The following NTAQ1 variants were observed in gnomAD, a reference collection of about 807,000 sequenced individuals.
NTAQ1 encodes N-terminal glutamine amidase 1.
A neutral mutation model predicts 28.2 loss-of-function variants in NTAQ1; 21 were observed. That is an observed-to-expected ratio of 0.74 (90% CI 0.53 to 1.07). The LOEUF (loss-of-function observed/expected upper bound fraction) is 1.07, where lower values mean the gene tolerates loss of function less well. Ranked by LOEUF, NTAQ1 falls within the 50% of genes least tolerant of loss-of-function variation. The pLI is 0.00. For missense variants in NTAQ1, 264 were observed against 256.6 expected, an observed-to-expected ratio of 1.03 and a Z score of -0.20; for synonymous variants, 105 against 90.0, an observed-to-expected ratio of 1.17 and a Z score of -0.94.
intron 6 of NTAQ1, among the ~76,000 whole-genome samples, chr8:123,460,244 A>G (rs989016600): frequency 1.3e-5 from 2 of 152,240 alleles, no homozygotes; most frequent in East Asian, 1.9e-4. Context: ...AAAACTACTT[A>G]TTGGGCATGA....
chr8:123,425,254 G>C (rs1299592164), intron 1 of NTAQ1, among the ~76,000 whole-genome samples: 1 of 151,968 alleles, frequency 6.6e-6, no homozygotes, highest in Non-Finnish European at 1.5e-5. Context: ...ACCACGCCCA[G>C]CTAATTTTTG....
At chr8:123,455,445 G>A (rs1364214766) in intron 6 of NTAQ1, among the ~76,000 whole-genome samples, 1 of 46,958 alleles carries the variant, frequency 2.1e-5, no homozygotes, top group South Asian at 6.6e-4. Flanking sequence ...TTTTTTTTTT[G>A]AGACGGAGTC....
At chr8:123,443,875 C>T (rs187988633), downstream of NTAQ1, among the ~76,000 whole-genome samples, 330 of 152,222 alleles carry the variant, frequency 2.2e-3, no homozygotes, top group South Asian at 0.012. Context: ...GCCTGGCCTG[C>T]GGTTCCTGGT....
chr8:123,457,926 C>T (rs1054570216), intron 6 of NTAQ1, among the ~76,000 whole-genome samples: 6 of 150,382 alleles, frequency 4.0e-5, no homozygotes, highest in South Asian at 4.2e-4. Flanking sequence ...CACAGCTACT[C>T]GGGAGGCTGA....
intron 1 of NTAQ1, among the ~76,000 whole-genome samples, chr8:123,425,467 C>G (rs1446842114): frequency 1.3e-5 from 2 of 151,612 alleles, no homozygotes; most frequent in African/African-American, 4.8e-5. Context: ...TTCCCACCCC[C>G]CCACTTTTTT....
chr8:123,441,295 TA>T lies in NTAQ1; in HGVS notation c.509-10del, dbSNP rs759918062. The T allele has an allele frequency of 4.3e-4, 686 of 1,587,932 alleles. No homozygotes were observed. The highest frequency in any genetic ancestry group is 7.0e-4 in the Admixed American group (40 of 57,422). On this transcript the variant is annotated splice_polypyrimidine_tract_variant and intron_variant, in intron 5 of 5. Transcript: ENST00000287387. ...TTTCAGTGGACATTTTTTTTTCATA[TA>T]TTTTTTTAGATTCCAAAATGAACCT... is the stretch of plus-strand genomic sequence containing the variant.
Position 123,428,025 on chromosome 8 carries a change from T to G in NTAQ1, c.183+2T>G. On this transcript the variant is annotated splice_donor_variant, in intron 2 of 5. Coordinates refer to ENST00000287387, the MANE Select transcript of NTAQ1 (RefSeq NM_018024.3). LOFTEE classifies it high-confidence loss of function. ...TTCATATCTAATGAGAGGAAGATGG[T>G]AAGTTGGTGAGTGATTGCAGAAAGA... is the stretch of plus-strand genomic sequence containing the variant. 6.3e-7 allele frequency: 1 copy of G among 1,590,498 alleles called. No homozygotes were observed. Among genetic ancestry groups the G allele is most frequent in the Non-Finnish European group, 8.6e-7 (1 of 1,168,528 alleles).
chr8:123,455,450 G>A (rs559501523), intron 6 of NTAQ1, among the ~76,000 whole-genome samples: 3 of 138,704 alleles, frequency 2.2e-5, no homozygotes, highest in South Asian at 2.3e-4. Flanking sequence ...TTTTTGAGAC[G>A]GAGTCTCCCA....
chr8:123,421,094 AT>A (rs55955025), intron 1 of NTAQ1, among the ~76,000 whole-genome samples: 139,230 of 149,112 alleles, frequency 0.93, 64,994 homozygotes, highest in East Asian at 0.98. Context: ...CTATTTATTC[AT>A]TTTTTTGAGA....
chr8:123,436,705 T>G (rs1194017673), intron 4 of NTAQ1, 104 bp downstream of exon 4: 10 of 1,281,620 alleles, frequency 7.8e-6, no homozygotes, highest in Non-Finnish European at 1.1e-5. Context: ...AGATCTCGTC[T>G]GACATCACCA....
chr8:123,452,652 A>G (rs898019870), downstream of NTAQ1, among the ~76,000 whole-genome samples: 1 of 152,104 alleles, frequency 6.6e-6, no homozygotes, highest in Admixed American at 6.6e-5. Flanking sequence ...CTGTAATCCC[A>G]ACACTTTGGG....
rs114292023 is a variant in NTAQ1, at chr8:123,468,445, G to A, written c.*1295G>A. ...TCAGTTTAACTACTTTAGATACCTC[G>A]TATACGTGGAATCATAAAGCATTTA... On this transcript the variant is annotated 3_prime_UTR_variant, in exon 7 of 7. Coordinates refer to the NTAQ1 transcript ENST00000650311. Among the ~76,000 whole-genome samples, 377 of 152,140 alleles carry A rather than the reference G, an allele frequency of 2.5e-3. 3 individuals are homozygous for A. The highest frequency in any genetic ancestry group is 8.7e-3 in the African/African-American group (360 of 41,494).
downstream of NTAQ1, among the ~76,000 whole-genome samples, chr8:123,443,443 C>A (rs1385224080): frequency 6.6e-6 from 1 of 152,264 alleles, no homozygotes; most frequent in Non-Finnish European, 1.5e-5. Flanking sequence ...ACTACCGCTT[C>A]AATAAAGCTG....
downstream of NTAQ1, among the ~76,000 whole-genome samples, chr8:123,449,810 A>G (rs58894477): frequency 0.36 from 52,450 of 145,458 alleles, 9,753 homozygotes; most frequent in East Asian, 0.56. Flanking sequence ...CTGAGATCAC[A>G]TCACTGCACT....
downstream of NTAQ1, among the ~76,000 whole-genome samples, chr8:123,445,482 C>T (rs1010321660): frequency 9.9e-5 from 15 of 151,556 alleles, no homozygotes; most frequent in Admixed American, 9.9e-4. Context: ...TACATATGGT[C>T]CATAATTTAA....
At chr8:123,427,123 G>T (rs1258697375) in intron 1 of NTAQ1, among the ~76,000 whole-genome samples, 2 of 151,882 alleles carry the variant, frequency 1.3e-5, no homozygotes, top group African/African-American at 4.8e-5. Context: ...CACCCATCCT[G>T]CCCCATTTCT....
At chr8:123,430,251 G>T (rs565362690) in intron 3 of NTAQ1, among the ~76,000 whole-genome samples, 1 of 152,334 alleles carries the variant, frequency 6.6e-6, no homozygotes, top group South Asian at 2.1e-4. Context: ...TTATAGGAAT[G>T]ATTTTAAATG....
intron 6 of NTAQ1, among the ~76,000 whole-genome samples, chr8:123,457,352 C>G (rs921556803): frequency 3.3e-5 from 5 of 152,048 alleles, no homozygotes; most frequent in African/African-American, 9.7e-5. Context: ...CAGGCATAAG[C>G]CACTGCACCC....
chr8:123,452,287 G>A (rs1190528918), downstream of NTAQ1, among the ~76,000 whole-genome samples: 1 of 152,172 alleles, frequency 6.6e-6, no homozygotes, highest in Non-Finnish European at 1.5e-5. Flanking sequence ...ATCTGTTCAG[G>A]CCAGGCTTTT....
Sources: gnomAD v4.1 joint callset for allele counts (sites outside exome capture counted in the v4.1 genomes callset) on GRCh38, gnomAD v4.1.1 for gene constraint, MANE v1.5 for transcripts, NCBI Gene and HGNC (gene_info 2026-07-23, HGNC 2026-07-21) for gene names.